Variants in THSD7A observed in about 807,000 individuals in gnomAD.
The protein encoded by THSD7A is thrombospondin type-1 domain-containing protein 7A.
THSD7A carries 96 observed loss-of-function variants against 231.3 expected under a neutral mutation model. The ratio of observed to expected loss-of-function variants is 0.41; its 90% confidence interval spans 0.35 to 0.49. The LOEUF (loss-of-function observed/expected upper bound fraction) is 0.49, where lower values mean the gene tolerates loss of function less well. THSD7A is among the 20% of genes least tolerant of loss of function. The pLI is 0.05. For missense variants in THSD7A, 2,290 were observed against 2,070.2 expected (o/e 1.11, Z -2.06); for synonymous variants, 940 against 743.3 (o/e 1.26, Z -4.30).
chr7:11,541,275 G>C (rs371951325), intron 6 of THSD7A, 144 bp downstream of exon 6: 13 of 770,508 alleles, frequency 1.7e-5, no homozygotes, highest in African/African-American at 1.2e-4. Flanking sequence ...CAGGGAAAGA[G>C]AGGGAGGGAG....
chr7:11,421,730 C>T (rs562808982), intron 16 of THSD7A, among the ~76,000 whole-genome samples: 1 of 152,056 alleles, frequency 6.6e-6, no homozygotes, highest in South Asian at 2.1e-4. Flanking sequence ...CTATTTGTAC[C>T]ATTTTAAAAA....
chr7:11,734,836 T>G (rs1434831457), intron 1 of THSD7A, among the ~76,000 whole-genome samples: 1 of 151,954 alleles, frequency 6.6e-6, no homozygotes, highest in Non-Finnish European at 1.5e-5. Flanking sequence ...AGAAAGTAAT[T>G]GAATAAACCC....
Position 11,474,481 on chromosome 7 carries a change from C to T in THSD7A, c.2105G>A (p.Gly702Asp). 1.2e-6 allele frequency: 2 copies of T among 1,613,538 alleles called. No individual in the cohort carries two copies. The highest frequency in any genetic ancestry group is 1.7e-6 in the Non-Finnish European group (2 of 1,179,610). Residue 702 changes from glycine (G) to aspartate (D), a missense_variant, in exon 8 of 28, where the codon GGT (glycine) becomes GAT (aspartate). By Grantham distance (94) the Gly-to-Asp change is moderately conservative. Coordinates refer to ENST00000423059, the MANE Select transcript of THSD7A (RefSeq NM_015204.3). This position sits in a 1 kb window ranked among gnomAD's most constrained non-coding sequence, Gnocchi z 4.1. The part of the protein sequence containing the change: ...HPCTVYHWQT[G>D]PWGQCIEDTS... ...GTCCTCAATGCACTGGCCCCAGGGA[C>T]CAGTTTGCCAGTGGTACACTGTGCA...
At chr7:11,645,092 C>T (rs950324396) in intron 1 of THSD7A, among the ~76,000 whole-genome samples, 8 of 151,934 alleles carry the variant, frequency 5.3e-5, no homozygotes, top group East Asian at 1.9e-4. Flanking sequence ...TCTATCACTA[C>T]ACCTTGATCA....
chr7:11,612,381 C>A (rs1210499367), intron 2 of THSD7A, among the ~76,000 whole-genome samples: 2 of 152,208 alleles, frequency 1.3e-5, no homozygotes, highest in Admixed American at 6.5e-5. Context: ...ATAAAGAATG[C>A]AGAAACAGTT....
At position 11,373,181 on chromosome 7, in the gene THSD7A, T is replaced by C. The variant is rs1345854070; in HGVS notation, c.*2613A>G. On this transcript the variant is annotated 3_prime_UTR_variant, in exon 28 of 28. Coordinates refer to ENST00000423059, the MANE Select transcript of THSD7A (RefSeq NM_015204.3). ...AATTTTGATTTGCTAATTTAATTCT[T>C]ATAGGTAGGATGATACTAATCTTTT... 1 of 151,968 alleles carries C rather than the reference T, an allele frequency of 6.6e-6. No homozygotes were observed. Among genetic ancestry groups the C allele is most frequent in the Non-Finnish European group, 1.5e-5 (1 of 67,918 alleles). The allele number at this position is 151,968 out of a possible 1,614,324, so 9.4% of individuals were successfully genotyped here. A position where few individuals can be genotyped will look rare whatever the true frequency, so the allele number is the denominator to read the frequency against.
At chr7:11,811,832 A>C (rs992373942) in intron 1 of THSD7A, among the ~76,000 whole-genome samples, 1 of 152,204 alleles carries the variant, frequency 6.6e-6, no homozygotes, top group African/African-American at 2.4e-5. Flanking sequence ...AAAGAAAAGG[A>C]AAACTACAGC....
At chr7:11,379,765 A>C in intron 24 of THSD7A, 53 bp from the exon 25 acceptor site, 1 of 1,514,392 alleles carries the variant, frequency 6.6e-7, no homozygotes, top group Non-Finnish European at 9.0e-7. Context: ...CTATGATGAA[A>C]ATACACTGTG....
intron 8 of THSD7A, among the ~76,000 whole-genome samples, chr7:11,473,175 A>C (rs1250288734): frequency 2.6e-5 from 4 of 152,136 alleles, no homozygotes; most frequent in East Asian, 3.9e-4. Flanking sequence ...AAATATCCCT[A>C]ATGTCTGGAA....
chr7:11,727,978 G>A (rs993345218), intron 1 of THSD7A, among the ~76,000 whole-genome samples: 1 of 151,888 alleles, frequency 6.6e-6, no homozygotes, highest in African/African-American at 2.4e-5. Context: ...CTGAAAGCAA[G>A]CTTCCTAAGG....
chr7:11,814,979 C>T lies in THSD7A; in HGVS notation c.190+16778G>A, dbSNP rs1784634267. Among the ~76,000 whole-genome samples the T allele has an allele frequency of 6.6e-6, 1 of 151,930 alleles. No individual in the cohort carries two copies. The highest frequency in any genetic ancestry group is 1.5e-5 in the Non-Finnish European group (1 of 68,008). On this transcript the variant is annotated intron_variant, in intron 1 of 27. Coordinates refer to ENST00000423059, the MANE Select transcript of THSD7A (RefSeq NM_015204.3). The surrounding 1 kb of genome is among the most constrained non-coding windows in gnomAD (Gnocchi z 5.1). Reference sequence around the variant, plus strand: ...TGAACTAATGGGAACAAATGAAGCACAGTGCATAGAGAAATGTTGATGTTG... The same window carrying T: ...TGAACTAATGGGAACAAATGAAGCATAGTGCATAGAGAAATGTTGATGTTG...
At chr7:11,817,325 C>T (rs1784735741) in intron 1 of THSD7A, among the ~76,000 whole-genome samples, 1 of 152,244 alleles carries the variant, frequency 6.6e-6, no homozygotes, top group Non-Finnish European at 1.5e-5. Flanking sequence ...CACAGTCCCA[C>T]TTAGAGACTC....
intron 1 of THSD7A, among the ~76,000 whole-genome samples, chr7:11,709,940 A>T (rs1018895561): frequency 2.7e-5 from 4 of 150,818 alleles, no homozygotes; most frequent in Admixed American, 1.3e-4. Context: ...ATGTATGCAG[A>T]CTTGCTGACT....
chr7:11,742,123 A>C (rs931430361), intron 1 of THSD7A, among the ~76,000 whole-genome samples: 2 of 151,934 alleles, frequency 1.3e-5, no homozygotes, highest in African/African-American at 4.8e-5. Context: ...TTGTAAAATC[A>C]AAGCTGAATC....
rs940399133 is a variant in THSD7A, at chr7:11,377,384, T to C, written c.4802-727A>G. On this transcript the variant is annotated intron_variant, in intron 26 of 27. Transcript: ENST00000423059. This position sits in a 1 kb window ranked among gnomAD's most constrained non-coding sequence, Gnocchi z 4.5. ...CTCCGAATAAACTTCAAGCACAAGA[T>C]GTTATTAATGATATTGGCTAATTTA... 6.6e-6 allele frequency among the ~76,000 whole-genome samples: 1 copy of C among 152,156 alleles called. No homozygotes were observed.
At chr7:11,561,963 T>C (rs1051276177) in intron 4 of THSD7A, among the ~76,000 whole-genome samples, 1 of 152,194 alleles carries the variant, frequency 6.6e-6, no homozygotes, top group African/African-American at 2.4e-5. Context: ...TATGCTACAC[T>C]TTAATATGGC....
At chr7:11,461,836 A>T (rs904428430) in intron 10 of THSD7A, among the ~76,000 whole-genome samples, 175 bp downstream of exon 10, 9 of 152,208 alleles carry the variant, frequency 5.9e-5, no homozygotes, top group African/African-American at 2.2e-4. Context: ...ACATCATTTC[A>T]GTAGCACAGC....
intron 2 of THSD7A, among the ~76,000 whole-genome samples, chr7:11,606,402 C>A (rs539401746): frequency 6.6e-6 from 1 of 152,036 alleles, no homozygotes; most frequent in Non-Finnish European, 1.5e-5. Flanking sequence ...GATTGATGAG[C>A]GCAACCTATG....
At chr7:11,725,117 A>G (rs1316271074) in intron 1 of THSD7A, among the ~76,000 whole-genome samples, 2 of 151,934 alleles carry the variant, frequency 1.3e-5, no homozygotes, top group South Asian at 2.1e-4. Flanking sequence ...AATAATATAC[A>G]TTTACATTTG....
Sources: allele counts gnomAD v4.1 joint callset (sites outside exome capture counted in the v4.1 genomes callset), GRCh38; gene constraint gnomAD v4.1.1; non-coding constraint Gnocchi (gnomAD v3.1); transcripts MANE v1.5; gene names NCBI Gene and HGNC (gene_info 2026-07-23, HGNC 2026-07-21).